Variants in SLC38A1 observed in about 807,000 individuals in gnomAD.
SLC38A1 encodes solute carrier family 38 member 1, also known as sodium-coupled neutral amino acid symporter 1.
In SLC38A1, 18 loss-of-function variants were observed where a neutral mutation model predicts 60.3. The observed-to-expected ratio is 0.30, with a 90% CI of 0.21 to 0.44. The LOEUF is 0.44. SLC38A1 is among the 20% of genes least tolerant of loss of function. The pLI, the probability that SLC38A1 is intolerant of heterozygous loss-of-function variation, is 1.00. For synonymous variants in SLC38A1, 196 were observed against 212.1 expected (o/e 0.92, Z 0.66); for missense variants, 448 against 587.2 (o/e 0.76, Z 2.45).
At chr12:46,249,780 T>C (rs1241079775) in intron 1 of SLC38A1, among the ~76,000 whole-genome samples, 1 of 152,052 alleles carries the variant, frequency 6.6e-6, no homozygotes, top group East Asian at 1.9e-4. Context: ...CTCTCAACAC[T>C]AAACCAGGAA....
intron 12 of SLC38A1, 140 bp downstream of exon 12, chr12:46,202,870 G>C (rs1023922581): frequency 1.2e-5 from 7 of 590,864 alleles, no homozygotes; most frequent in Admixed American, 3.2e-5. Context: ...TTTAAGAATG[G>C]CACAATGTGA....
intron 1 of SLC38A1, among the ~76,000 whole-genome samples, chr12:46,256,403 T>A (rs996881980): frequency 6.6e-6 from 1 of 152,068 alleles, no homozygotes; most frequent in African/African-American, 2.4e-5. Context: ...TTAATTAAAA[T>A]TCTTTTATAT....
chr12:46,188,904 G>T lies in SLC38A1; in HGVS notation c.*66C>A. ...TGTAAACTTGCAAAAGAAGTGGTGA[G>T]AGATTGCTGATGTGTGGGGACTTGA... is the stretch of plus-strand genomic sequence containing the variant. On this transcript the variant is annotated 3_prime_UTR_variant, in exon 17 of 17. Transcript: ENST00000398637. 1 of 1,278,238 alleles carries T rather than the reference G, an allele frequency of 7.8e-7. No homozygotes were observed. The highest frequency in any genetic ancestry group is 1.1e-6 in the Non-Finnish European group (1 of 884,922). The allele number at this position is 1,278,238 out of a possible 1,614,324, so 79.2% of individuals were successfully genotyped here.
intron 16 of SLC38A1, 29 bp downstream of exon 16, chr12:46,197,691 A>C (rs759603452): frequency 7.3e-7 from 1 of 1,373,252 alleles, no homozygotes; most frequent in Non-Finnish European, 1.0e-6. Flanking sequence ...ACTAATCAGA[A>C]AAGTTAGAGT....
At chr12:46,195,237 G>T (rs1164490924) in intron 16 of SLC38A1, among the ~76,000 whole-genome samples, 3 of 151,216 alleles carry the variant, frequency 2.0e-5, no homozygotes, top group African/African-American at 7.3e-5. Flanking sequence ...GTCCACTCCA[G>T]AATCTGTTTG....
chr12:46,267,671 G>C (rs375672489), intron 1 of SLC38A1: 6 of 152,400 alleles, frequency 3.9e-5, no homozygotes, highest in African/African-American at 1.4e-4. Context: ...TCCCGGCACC[G>C]ACCCACGCGT....
At position 46,209,052 on chromosome 12, in the gene SLC38A1, A is replaced by T; in HGVS notation, c.388+2T>A. The T allele has an allele frequency of 6.2e-7, 1 of 1,604,870 alleles. No individual in the cohort carries two copies. The highest frequency in any genetic ancestry group is 8.5e-7 in the Non-Finnish European group (1 of 1,174,418). On this transcript the variant is annotated splice_donor_variant, in intron 6 of 16. Transcript: ENST00000398637. LOFTEE classifies it high-confidence loss of function. ...ACAAAATCAAACACGTCCTCAGCTT[A>T]CCTGTTTCTTTTGAACAGATCAATA...
At chr12:46,193,479 A>T (rs777505820) in intron 16 of SLC38A1, among the ~76,000 whole-genome samples, 14 of 152,132 alleles carry the variant, frequency 9.2e-5, no homozygotes, top group Non-Finnish European at 1.8e-4. Context: ...CAAGTCCTGG[A>T]TATCCTTGAT....
At chr12:46,195,307 G>A (rs1939319128) in intron 16 of SLC38A1, among the ~76,000 whole-genome samples, 1 of 152,160 alleles carries the variant, frequency 6.6e-6, no homozygotes, top group Non-Finnish European at 1.5e-5. Context: ...TCCTTCCTCT[G>A]GAAGCTTCGT....
At chr12:46,208,990 C>T in intron 6 of SLC38A1, 64 bp downstream of exon 6, 1 of 1,127,778 alleles carries the variant, frequency 8.9e-7, no homozygotes, top group Non-Finnish European at 1.3e-6. Context: ...ATCATTGTTC[C>T]ACAATGCTAC....
At chr12:46,204,714 G>T in intron 9 of SLC38A1, 124 bp from the exon 10 acceptor site, 1 of 663,778 alleles carries the variant, frequency 1.5e-6, no homozygotes, top group Non-Finnish European at 2.5e-6. Context: ...TGCATTATTT[G>T]AAGCATATTT....
chr12:46,229,672 T>C (rs1182607832), intron 3 of SLC38A1, 33 bp from the exon 4 acceptor site: 1 of 1,556,548 alleles, frequency 6.4e-7, no homozygotes, highest in Non-Finnish European at 8.8e-7. Context: ...TTTAACCTTA[T>C]GATAATGATT....
At chr12:46,227,919 T>C (rs745317218) in intron 5 of SLC38A1, among the ~76,000 whole-genome samples, 1 of 152,146 alleles carries the variant, frequency 6.6e-6, no homozygotes, top group African/African-American at 2.4e-5. Context: ...GTGTAGCTCC[T>C]CAAGCAGTCT....
At chr12:46,222,447 CAG>C (rs1940696506) in intron 5 of SLC38A1, among the ~76,000 whole-genome samples, 2 of 152,086 alleles carry the variant, frequency 1.3e-5, no homozygotes, top group Non-Finnish European at 2.9e-5. Flanking sequence ...ACCCAATATT[CAG>C]TTTGTATTCA....
intron 5 of SLC38A1, 87 bp downstream of exon 5, chr12:46,229,066 A>C: frequency 1.4e-6 from 1 of 720,088 alleles, no homozygotes; most frequent in Non-Finnish European, 2.3e-6. Flanking sequence ...AACTATTTAT[A>C]AATATTTCAC....
At position 46,193,435 on chromosome 12, in the gene SLC38A1, T is replaced by C. The variant is rs143666123; in HGVS notation, c.1362+4285A>G. Reference sequence around the variant, plus strand: ...GATTTGTGGTGAAGAGTTCTGTAGATGTCTATGAGGTCCGCTTGGTGCAGA... The same window carrying C: ...GATTTGTGGTGAAGAGTTCTGTAGACGTCTATGAGGTCCGCTTGGTGCAGA... On this transcript the variant is annotated intron_variant, in intron 16 of 16. Coordinates refer to ENST00000398637, the MANE Select transcript of SLC38A1 (RefSeq NM_030674.4). Among the ~76,000 whole-genome samples the C allele has an allele frequency of 1.4e-3, 216 of 152,310 alleles. 3 individuals carry two copies. The highest frequency in any genetic ancestry group is 4.9e-3 in the African/African-American group (205 of 41,554).
intron 16 of SLC38A1, among the ~76,000 whole-genome samples, chr12:46,194,381 T>C (rs1479617394): frequency 2.6e-5 from 4 of 152,216 alleles, no homozygotes; most frequent in Non-Finnish European, 5.9e-5. Context: ...TTCCTCCATT[T>C]CAACCTTGGT....
intron 13 of SLC38A1, among the ~76,000 whole-genome samples, chr12:46,199,008 C>T (rs117326844): frequency 0.025 from 3,749 of 152,010 alleles, 73 homozygotes; most frequent in Middle Eastern, 0.082. Context: ...TAAATTAAAC[C>T]TAGGAGTACA....
chr12:46,247,961 A>G (rs4445700), intron 1 of SLC38A1, among the ~76,000 whole-genome samples: 91,268 of 151,924 alleles, frequency 0.6, 27,677 homozygotes, highest in East Asian at 0.77. Context: ...GGAGAAATAA[A>G]ATCCTTTACA....
Sources: allele counts gnomAD v4.1 joint callset (sites outside exome capture counted in the v4.1 genomes callset), GRCh38; gene constraint gnomAD v4.1.1; transcripts MANE v1.5; gene names NCBI Gene and HGNC (gene_info 2026-07-23, HGNC 2026-07-21).